Variants in SLC22A3 observed in about 807,000 individuals in gnomAD.
The protein encoded by SLC22A3 is EMT organic cation transporter 3.
A neutral mutation model predicts 59.1 loss-of-function variants in SLC22A3; 51 were observed. The ratio of observed to expected loss-of-function variants is 0.86; its 90% CI spans 0.69 to 1.09. SLC22A3 has a LOEUF of 1.09. Ranked by LOEUF, SLC22A3 falls within the 50% of genes least tolerant of loss-of-function variation. SLC22A3 has a pLI of 0.00. For missense variants in SLC22A3, 711 were observed against 726.3 expected (o/e 0.98, Z 0.24); for synonymous variants, 325 against 292.0 (o/e 1.11, Z -1.15).
chr6:160,361,220 C>T (rs749530293), intron 1 of SLC22A3, among the ~76,000 whole-genome samples: 38 of 152,308 alleles, frequency 2.5e-4, no homozygotes, highest in Admixed American at 2.6e-4. Flanking sequence ...AATGATCAAT[C>T]TGCCTATCAC....
At chr6:160,355,734 T>C (rs1372776178) in intron 1 of SLC22A3, among the ~76,000 whole-genome samples, 5 of 152,068 alleles carry the variant, frequency 3.3e-5, no homozygotes, top group Non-Finnish European at 2.9e-5. Context: ...ATCGCACCAC[T>C]GCACTCCAGC....
intron 1 of SLC22A3, among the ~76,000 whole-genome samples, chr6:160,362,531 C>G (rs1785049121): frequency 6.6e-6 from 1 of 152,194 alleles, no homozygotes; most frequent in African/African-American, 2.4e-5. Flanking sequence ...GGTAGTGTCT[C>G]CATGTGAGTT....
rs1216919645 is a variant in SLC22A3 at position 160,452,235 on chromosome 6, T to C, written c.*1179T>C. ...TTTATGCTGAGTTTTAAAAATGAAA[T>C]ACTTTATGCAAACAGGCAAAATTGG... On this transcript the variant is annotated 3_prime_UTR_variant, in exon 11 of 11. Coordinates refer to ENST00000275300, the MANE Select transcript of SLC22A3 (RefSeq NM_021977.4). The C allele has an allele frequency of 2.0e-5, 3 of 152,212 alleles. No individual in the cohort carries two copies. Among genetic ancestry groups the C allele is most frequent in the Non-Finnish European group, 4.4e-5 (3 of 68,038 alleles). 9.4% of individuals were successfully genotyped at this position (152,212 alleles called of 1,614,324 possible).
At chr6:160,371,944 T>C (rs527847758) in intron 1 of SLC22A3, among the ~76,000 whole-genome samples, 2 of 152,348 alleles carry the variant, frequency 1.3e-5, no homozygotes, top group South Asian at 4.1e-4. Context: ...CAAGCTTTTT[T>C]TTCATGTGTT....
chr6:160,403,316 T>C (rs938233376), intron 2 of SLC22A3, among the ~76,000 whole-genome samples: 3 of 151,816 alleles, frequency 2.0e-5, no homozygotes, highest in African/African-American at 7.2e-5. Context: ...ACCAATTCCT[T>C]GAAAGATTAC....
chr6:160,386,796 T>C (rs765648204), intron 1 of SLC22A3, among the ~76,000 whole-genome samples: 4 of 152,212 alleles, frequency 2.6e-5, no homozygotes, highest in Non-Finnish European at 5.9e-5. Context: ...ATTATTGCTG[T>C]TGCTTTGGAG....
chr6:160,421,997 T>TCGTGGAGCGTGGAG (rs1787758964), intron 5 of SLC22A3, among the ~76,000 whole-genome samples: 1 of 152,210 alleles, frequency 6.6e-6, no homozygotes, highest in Non-Finnish European at 1.5e-5. Flanking sequence ...ACGCGCTCCT[T>TCGTGGAGCGTGGAG]CGTGGAGACA....
intron 1 of SLC22A3, among the ~76,000 whole-genome samples, chr6:160,355,788 C>CA (rs1372800169): frequency 4.3e-5 from 6 of 139,260 alleles, no homozygotes; most frequent in African/African-American, 1.6e-4. Flanking sequence ...ACAACAACAA[C>CA]AACAACAACA....
rs1787462187 is a variant in SLC22A3, at chr6:160,415,782, C to G, written c.975+4936C>G. On this transcript the variant is annotated intron_variant, in intron 5 of 10. Coordinates refer to ENST00000275300, the MANE Select transcript of SLC22A3 (RefSeq NM_021977.4). This position sits in a 1 kb window ranked among gnomAD's most constrained non-coding sequence, Gnocchi z 4.1. ...AGACCCAACAAGTCAGCATTTTTCT[C>G]TTGTGAAAAGAACCACCTGCCAACC... Among the ~76,000 whole-genome samples the G allele has an allele frequency of 6.6e-6, 1 of 152,134 alleles. No individual in the cohort carries two copies. The highest frequency in any genetic ancestry group is 1.5e-5 in the Non-Finnish European group (1 of 68,030).
rs116968004 is a variant in SLC22A3, at chr6:160,351,879, G to C, written c.429+3031G>C. Among the ~76,000 whole-genome samples the C allele has an allele frequency of 2.1e-4, 32 of 152,288 alleles. 1 individual carries two copies. In the East Asian group the frequency reaches 6.2e-3, roughly 29 times the overall value. On this transcript the variant is annotated intron_variant, in intron 1 of 10. Coordinates refer to ENST00000275300, the MANE Select transcript of SLC22A3 (RefSeq NM_021977.4). ...ATGTAGCCAAACTGGATTCAAATCC[G>C]GGGGCCTTGATTGTAAGTCAGTCCA... is the stretch of plus-strand genomic sequence containing the variant.
chr6:160,352,189 G>T (rs138160767), intron 1 of SLC22A3, among the ~76,000 whole-genome samples: 1 of 152,142 alleles, frequency 6.6e-6, no homozygotes, highest in Non-Finnish European at 1.5e-5. Flanking sequence ...CACCACCTTC[G>T]CATCTTACAA....
At chr6:160,442,035 C>G (rs970656227) in intron 7 of SLC22A3, among the ~76,000 whole-genome samples, 3 of 152,128 alleles carry the variant, frequency 2.0e-5, no homozygotes, top group African/African-American at 7.2e-5. Context: ...GCATTTCCCA[C>G]TAGTTAGTAG....
intron 1 of SLC22A3, among the ~76,000 whole-genome samples, chr6:160,364,476 G>A (rs1049331477): frequency 6.6e-6 from 1 of 152,216 alleles, no homozygotes; most frequent in African/African-American, 2.4e-5. Context: ...TCATCTTGAT[G>A]GGATTTCTGA....
chr6:160,445,067 G>C (rs915681033), intron 9 of SLC22A3, among the ~76,000 whole-genome samples: 3 of 152,246 alleles, frequency 2.0e-5, no homozygotes, highest in Non-Finnish European at 2.9e-5. Context: ...CCAGTGGCAG[G>C]CAGGCGGGGC....
chr6:160,369,581 G>T (rs941091600), intron 1 of SLC22A3, among the ~76,000 whole-genome samples: 2 of 152,104 alleles, frequency 1.3e-5, no homozygotes, highest in Non-Finnish European at 2.9e-5. Context: ...TTTACTGGAA[G>T]TTTCAACAAT....
intron 5 of SLC22A3, among the ~76,000 whole-genome samples, chr6:160,432,442 T>C (rs1000026041): frequency 6.6e-6 from 1 of 151,738 alleles, no homozygotes; most frequent in Non-Finnish European, 1.5e-5. Flanking sequence ...ATTTTTTTTT[T>C]TTTTTTGAGA....
intron 1 of SLC22A3, among the ~76,000 whole-genome samples, chr6:160,396,018 G>T (rs1367428798): frequency 1.3e-5 from 2 of 152,174 alleles, no homozygotes; most frequent in Non-Finnish European, 2.9e-5. Flanking sequence ...CACAGGAATT[G>T]TCGGCCTGGA....
Position 160,441,153 on chromosome 6 carries a change from G to A in SLC22A3, c.1289-1608G>A, listed in dbSNP as rs1333005214. Among the ~76,000 whole-genome samples the A allele has an allele frequency of 2.6e-5, 4 of 152,084 alleles. No homozygotes were observed. In the East Asian group the frequency reaches 5.8e-4, roughly 22 times the overall value. Reference sequence around the variant, plus strand: ...AGTGAAGCTGTTTCCTAGGTAGCAGGCAGCCTTCACTGCAGCCCGGGAGTG... The same window carrying A: ...AGTGAAGCTGTTTCCTAGGTAGCAGACAGCCTTCACTGCAGCCCGGGAGTG... On this transcript the variant is annotated intron_variant, in intron 7 of 10. Transcript: ENST00000275300.
At chr6:160,348,939 G>A in intron 1 of SLC22A3, 91 bp downstream of exon 1, 2 of 1,530,974 alleles carry the variant, frequency 1.3e-6, no homozygotes, top group Non-Finnish European at 1.7e-6. Flanking sequence ...TGGCCGCCAG[G>A]GGAGGTCGGT....
Sources: gnomAD v4.1 joint callset for allele counts (sites outside exome capture counted in the v4.1 genomes callset) on GRCh38, gnomAD v4.1.1 for gene constraint, Gnocchi (gnomAD v3.1) non-coding constraint, MANE v1.5 for transcripts, NCBI Gene and HGNC (gene_info 2026-07-23, HGNC 2026-07-21) for gene names.